The following OPCML variants were observed in gnomAD, a reference collection of about 807,000 sequenced individuals.
OPCML encodes opioid binding protein/cell adhesion molecule like.
A neutral mutation model predicts 37.8 loss-of-function variants in OPCML; 13 were observed. That is an observed-to-expected ratio of 0.34 (90% CI 0.22 to 0.55). The LOEUF (loss-of-function observed/expected upper bound fraction) is 0.55. Among genes scored for constraint, OPCML ranks in the 20% least tolerant of loss-of-function variants. OPCML has a pLI of 0.91. For missense variants in OPCML, 341 were observed against 435.6 expected, an observed-to-expected ratio of 0.78 and a Z score of 1.93; for synonymous variants, 176 against 168.8, an observed-to-expected ratio of 1.04 and a Z score of -0.33.
At chr11:132,479,964 C>T (rs2096173379) in intron 4 of OPCML, among the ~76,000 whole-genome samples, 1 of 152,196 alleles carries the variant, frequency 6.6e-6, no homozygotes, top group African/African-American at 2.4e-5. Flanking sequence ...CAGAGCGCCT[C>T]TCCTCCTCCA....
chr11:132,914,965 G>A (rs750065762), intron 2 of OPCML, among the ~76,000 whole-genome samples: 30 of 152,152 alleles, frequency 2.0e-4, no homozygotes, highest in Non-Finnish European at 3.8e-4. Flanking sequence ...CAATCACATT[G>A]CCCTCCAGGT....
chr11:132,598,191 A>G (rs1470329487), intron 3 of OPCML, among the ~76,000 whole-genome samples: 1 of 152,204 alleles, frequency 6.6e-6, no homozygotes, highest in Non-Finnish European at 1.5e-5. Context: ...TTCGCAGTCT[A>G]GCTCTCTTCC....
chr11:133,501,737 C>T (rs1421386604), intron 1 of OPCML, among the ~76,000 whole-genome samples: 2 of 151,962 alleles, frequency 1.3e-5, no homozygotes, highest in African/African-American at 2.4e-5. Flanking sequence ...GACCAAGACC[C>T]CCCACCCCGC....
At chr11:132,599,329 AAGG>A (rs112219551) in intron 3 of OPCML, among the ~76,000 whole-genome samples, 15,947 of 147,574 alleles carry the variant, frequency 0.11, 1,500 homozygotes, top group African/African-American at 0.23. Flanking sequence ...GGAGGAGAAG[AAGG>A]AGGAGGAGGA....
In OPCML at chr11:133,347,011, G is replaced by T. The variant is rs574236983; in HGVS notation, c.61+185253C>A. ...ACATTATCTTAAAAGGGTAATGAATGGTGTGCATAGTGTTTGAAATTGAGG... is the reference window on the plus strand; with the variant it reads ...ACATTATCTTAAAAGGGTAATGAATTGTGTGCATAGTGTTTGAAATTGAGG... On this transcript the variant is annotated intron_variant, in intron 1 of 7. Coordinates refer to ENST00000524381, the MANE Select transcript of OPCML (RefSeq NM_001012393.5). Among the ~76,000 whole-genome samples, 4 of 152,258 alleles carry T rather than the reference G, an allele frequency of 2.6e-5. No homozygotes were observed. The East Asian group carries it at 5.8e-4, about 22-fold the overall frequency.
At chr11:133,037,181 C>T (rs887736479) in intron 1 of OPCML, among the ~76,000 whole-genome samples, 46 of 152,176 alleles carry the variant, frequency 3.0e-4, no homozygotes, top group African/African-American at 1.1e-3. Context: ...TATGAAAAGA[C>T]AAGACTTATT....
At chr11:132,951,785 A>G (rs1245306399) in intron 1 of OPCML, among the ~76,000 whole-genome samples, 4 of 152,236 alleles carry the variant, frequency 2.6e-5, no homozygotes, top group African/African-American at 9.6e-5. Context: ...TGTGTATATA[A>G]TAAAAGAAAC....
At chr11:133,055,275 A>C (rs1469743555) in intron 1 of OPCML, among the ~76,000 whole-genome samples, 1 of 148,938 alleles carries the variant, frequency 6.7e-6, no homozygotes, top group East Asian at 2.1e-4. Context: ...AGACCCCATG[A>C]GGGAGCCACC....
At chr11:133,186,165 C>T (rs1938061594) in intron 1 of OPCML, among the ~76,000 whole-genome samples, 1 of 152,152 alleles carries the variant, frequency 6.6e-6, no homozygotes. Flanking sequence ...CAAAAGTAGT[C>T]CCACTCTGAG....
chr11:133,000,978 T>C (rs769683221), intron 1 of OPCML, among the ~76,000 whole-genome samples: 10 of 152,214 alleles, frequency 6.6e-5, no homozygotes, highest in African/African-American at 9.7e-5. Context: ...TCTCGCCATG[T>C]GATACACTGC....
intron 3 of OPCML, among the ~76,000 whole-genome samples, chr11:132,609,463 AC>A (rs1225369098): frequency 6.6e-6 from 1 of 151,846 alleles, no homozygotes; most frequent in Non-Finnish European, 1.5e-5. Context: ...TTCTCTGCCT[AC>A]CCTCATGCTC....
chr11:133,087,797 C>T (rs1399522108), intron 1 of OPCML, among the ~76,000 whole-genome samples: 1 of 152,210 alleles, frequency 6.6e-6, no homozygotes, highest in African/African-American at 2.4e-5. Flanking sequence ...CTGATGCTTA[C>T]AGGCTCTTTC....
chr11:132,946,870 A>T (rs997835047), intron 1 of OPCML, among the ~76,000 whole-genome samples: 2 of 152,162 alleles, frequency 1.3e-5, no homozygotes, highest in Non-Finnish European at 2.9e-5. Context: ...ATTGTACTTC[A>T]ACCTCTCAAC....
At chr11:132,570,803 T>TATATATATA (rs2096436331) in intron 3 of OPCML, among the ~76,000 whole-genome samples, 70 of 34,010 alleles carry the variant, frequency 2.1e-3, no homozygotes, top group Non-Finnish European at 3.0e-3. Context: ...ATATATATAT[T>TATATATATA]TAGAGAGAGA....
At chr11:132,553,199 G>A (rs1479570960) in intron 3 of OPCML, among the ~76,000 whole-genome samples, 2 of 152,170 alleles carry the variant, frequency 1.3e-5, no homozygotes, top group Admixed American at 6.5e-5. Flanking sequence ...CCATAATGGG[G>A]GATAACCACT....
intron 1 of OPCML, among the ~76,000 whole-genome samples, chr11:133,291,749 G>C (rs780939544): frequency 2.6e-5 from 4 of 152,174 alleles, no homozygotes; most frequent in Non-Finnish European, 5.9e-5. Context: ...AGCACAAATT[G>C]AACAACATTA....
At chr11:132,514,352 A>T (rs2096275307) in intron 4 of OPCML, among the ~76,000 whole-genome samples, 1 of 152,238 alleles carries the variant, frequency 6.6e-6, no homozygotes, top group South Asian at 2.1e-4. Flanking sequence ...ACAGCAATGG[A>T]CAAAGGCCAG....
At chr11:132,490,181 C>A (rs923624071) in intron 4 of OPCML, among the ~76,000 whole-genome samples, 2 of 151,778 alleles carry the variant, frequency 1.3e-5, no homozygotes, top group Non-Finnish European at 2.9e-5. Flanking sequence ...CATGACTGTG[C>A]CCTCTTCTCA....
intron 1 of OPCML, among the ~76,000 whole-genome samples, chr11:133,517,585 T>C (rs907902178): frequency 1.3e-5 from 2 of 152,176 alleles, no homozygotes; most frequent in Non-Finnish European, 2.9e-5. Context: ...AACCCAGGCA[T>C]CAGGACAAGG....
Sources: allele counts gnomAD v4.1 joint callset (sites outside exome capture counted in the v4.1 genomes callset), GRCh38; gene constraint gnomAD v4.1.1; transcripts MANE v1.5; gene names NCBI Gene and HGNC (gene_info 2026-07-23, HGNC 2026-07-21).